Variants in VMA22 observed in about 807,000 individuals in gnomAD.
The protein encoded by VMA22 is vacuolar ATPase assembly factor VMA22.
the VMA22 span, chr2:130,339,497 A>G: frequency 7.4e-7 from 1 of 1,351,904 alleles, no homozygotes; most frequent in Non-Finnish European, 9.6e-7. Context: ...CACAGATAGT[A>G]ATACCATTTC....
the VMA22 span, chr2:130,339,032 A>G: frequency 1.1e-6 from 1 of 950,704 alleles, no homozygotes; most frequent in African/African-American, 1.6e-5. Context: ...GGTAGGGGCA[A>G]GAGCTAATTG....
At chr2:130,341,801 G>GGGCCGGGC in the VMA22 span, 1 of 1,378,140 alleles carries the variant, frequency 7.3e-7, no homozygotes. Context: ...CCTAGAACGC[G>GGGCCGGGC]CCCGCCCGCC....
chr2:130,342,245 C>T, the VMA22 span: 2 of 1,543,692 alleles, frequency 1.3e-6, no homozygotes, highest in Non-Finnish European at 1.7e-6. Context: ...GATCCCCACG[C>T]CGGCAGCACC....
the VMA22 span, chr2:130,339,308 A>G: frequency 2.1e-6 from 3 of 1,442,730 alleles, no homozygotes; most frequent in Non-Finnish European, 2.9e-6. Context: ...ATATCCCCAG[A>G]AATTGGAAAG....
At chr2:130,341,934 G>A in the VMA22 span, 1 of 1,613,628 alleles carries the variant, frequency 6.2e-7, no homozygotes, top group South Asian at 1.1e-5. Context: ...CTTGGCGAGC[G>A]AGAGCCAGCC....
the VMA22 span, chr2:130,341,138 A>G: frequency 7.2e-7 from 1 of 1,384,880 alleles, no homozygotes; most frequent in Non-Finnish European, 9.5e-7. Flanking sequence ...GATTCTATAA[A>G]ACACTGTTGG....
chr2:130,340,962 AC>A, the VMA22 span: 50 of 1,613,768 alleles, frequency 3.1e-5, no homozygotes, highest in Non-Finnish European at 4.1e-5. Flanking sequence ...AGGATTCCAA[AC>A]CAGTTCAGGG....
the VMA22 span, chr2:130,339,061 G>C: frequency 7.6e-7 from 1 of 1,316,964 alleles, no homozygotes; most frequent in Non-Finnish European, 1.1e-6. Context: ...GAAGGCCTGA[G>C]ATCACGTAGC....
At chr2:130,341,801 G>GGGGCGGGGGCC in the VMA22 span, 1 of 1,378,140 alleles carries the variant, frequency 7.3e-7, no homozygotes, top group Non-Finnish European at 9.9e-7. Flanking sequence ...CCTAGAACGC[G>GGGGCGGGGGCC]CCCGCCCGCC....
At chr2:130,340,956 T>A in the VMA22 span, 5 of 1,613,914 alleles carry the variant, frequency 3.1e-6, no homozygotes, top group East Asian at 4.5e-5. Context: ...GGAACTAGGA[T>A]TCCAAACCAG....
the VMA22 span, chr2:130,342,499 A>G: frequency 6.1e-6 from 3 of 488,594 alleles, no homozygotes; most frequent in Non-Finnish European, 1.1e-5. Context: ...GAGTGGTTTT[A>G]AAGTTAATTT....
the VMA22 span, chr2:130,340,019 G>A: frequency 3.1e-6 from 1 of 323,876 alleles, no homozygotes; most frequent in South Asian, 2.8e-5. Context: ...GGGCGTCGGT[G>A]GATACCACAC....
chr2:130,341,797 ACGCGCCCG>A, the VMA22 span: 1 of 1,486,662 alleles, frequency 6.7e-7, no homozygotes, highest in East Asian at 2.4e-5. Context: ...CGGGCCTAGA[ACGCGCCCG>A]CCCGCCCACC....
At chr2:130,339,014 T>C in the VMA22 span, 1 of 772,436 alleles carries the variant, frequency 1.3e-6, no homozygotes, top group Admixed American at 2.2e-5. Flanking sequence ...GGGCATTAGC[T>C]GGCGTGGGGT....
At chr2:130,339,088 T>C in the VMA22 span, 2 of 1,527,532 alleles carry the variant, frequency 1.3e-6, no homozygotes, top group South Asian at 1.1e-5. Flanking sequence ...GGAGAACAGC[T>C]GTGCTCGCTG....
At chr2:130,341,291 C>T in the VMA22 span, 2 of 562,820 alleles carry the variant, frequency 3.6e-6, no homozygotes, top group Non-Finnish European at 6.3e-6. Flanking sequence ...GCCTGTGACA[C>T]TGATCTTACC....
At chr2:130,339,453 G>A in the VMA22 span, 1 of 1,409,736 alleles carries the variant, frequency 7.1e-7, no homozygotes, top group Non-Finnish European at 9.3e-7. Flanking sequence ...AGACTTCCTG[G>A]ACCCATTATA....
chr2:130,342,447 G>A, the VMA22 span: 21 of 552,670 alleles, frequency 3.8e-5, no homozygotes, highest in Non-Finnish European at 5.8e-5. Flanking sequence ...TGTGGCGATG[G>A]AAGAAGGCGA....
the VMA22 span, chr2:130,340,930 C>A: frequency 6.2e-7 from 1 of 1,614,110 alleles, no homozygotes; most frequent in Non-Finnish European, 8.5e-7. Flanking sequence ...TTGCTTGAGC[C>A]TGACGTAGAC....
Sources: allele counts gnomAD v4.1 joint callset, GRCh38; gene constraint gnomAD v4.1.1; transcripts MANE v1.5; gene names NCBI Gene and HGNC (gene_info 2026-07-23, HGNC 2026-07-21).